CSMD1: variants seen among roughly 807,000 people sequenced by gnomAD.
CSMD1 encodes the protein CUB and sushi domain-containing protein 1.
A neutral mutation model predicts 417.5 loss-of-function variants in CSMD1; 213 were observed. The observed-to-expected ratio is 0.51, with a 90% CI of 0.46 to 0.57. CSMD1 has a LOEUF of 0.57. CSMD1 is among the 20% of genes least tolerant of loss of function. CSMD1 has a pLI of 0.00. For synonymous variants in CSMD1, 2,862 were observed against 1,736.8 expected, an observed-to-expected ratio of 1.65 and a Z score of -16.11; for missense variants, 6,923 against 4,529.7, an observed-to-expected ratio of 1.53 and a Z score of -15.17.
At chr8:3,287,300 C>T (rs551344102) in intron 25 of CSMD1, among the ~76,000 whole-genome samples, 1 of 151,930 alleles carries the variant, frequency 6.6e-6, no homozygotes, top group East Asian at 1.9e-4. Flanking sequence ...TTTTTGGTTC[C>T]ATATGAACTT....
intron 3 of CSMD1, among the ~76,000 whole-genome samples, chr8:4,296,652 G>C (rs1396256258): frequency 1.4e-5 from 2 of 147,624 alleles, no homozygotes; most frequent in Admixed American, 6.8e-5. Flanking sequence ...TAACTCGTAT[G>C]TGGAGGTCCC....
Position 3,138,996 on chromosome 8 carries a change from C to T in CSMD1, c.6241+3469G>A, listed in dbSNP as rs150683052. On this transcript the variant is annotated intron_variant, in intron 41 of 69. Coordinates refer to ENST00000635120, the MANE Select transcript of CSMD1 (RefSeq NM_033225.6). ...TAGGAGAAAGGTCTGAGAGCAGTTACGGCTACTGGTGGTGACACAGGGAGG... is the reference window on the plus strand; with the variant it reads ...TAGGAGAAAGGTCTGAGAGCAGTTATGGCTACTGGTGGTGACACAGGGAGG... 4.3e-4 allele frequency among the ~76,000 whole-genome samples: 65 copies of T among 152,294 alleles called. No individual in the cohort carries two copies. The East Asian group carries it at 0.011, about 27-fold the overall frequency.
chr8:4,046,879 G>C (rs377169288), intron 3 of CSMD1, among the ~76,000 whole-genome samples: 28 of 152,250 alleles, frequency 1.8e-4, no homozygotes, highest in African/African-American at 6.7e-4. Flanking sequence ...CACAGAGAAT[G>C]TGACAATGAG....
chr8:3,423,533 T>G (rs1041364495), intron 12 of CSMD1, among the ~76,000 whole-genome samples: 1 of 152,188 alleles, frequency 6.6e-6, no homozygotes, highest in Non-Finnish European at 1.5e-5. Context: ...TGCTCAATGG[T>G]CCTCCACTGT....
Position 3,591,117 on chromosome 8 carries a change from G to C in CSMD1, c.1098-4857C>G, listed in dbSNP as rs529687204. On this transcript the variant is annotated intron_variant, in intron 8 of 69. Coordinates refer to ENST00000635120, the MANE Select transcript of CSMD1 (RefSeq NM_033225.6). The stretch of plus-strand genomic sequence containing the variant: ...CGTTGCACAACTGAGACAATTGTTA[G>C]TAGTTAGTAACTGTAAGAAATACTG... Among the ~76,000 whole-genome samples the C allele has an allele frequency of 6.6e-5, 10 of 152,250 alleles. No individual in the cohort carries two copies. In the South Asian group the frequency reaches 2.1e-3, roughly 32 times the overall value.
At chr8:4,236,268 G>A (rs1802054469) in intron 3 of CSMD1, among the ~76,000 whole-genome samples, 1 of 151,874 alleles carries the variant, frequency 6.6e-6, no homozygotes, top group Non-Finnish European at 1.5e-5. Flanking sequence ...ATTTGTAATT[G>A]GCACACTGAT....
Position 3,070,462 on chromosome 8 carries a change from T to C in CSMD1, c.7474+16635A>G, listed in dbSNP as rs139719677. Among the ~76,000 whole-genome samples the C allele has an allele frequency of 7.3e-3, 1,117 of 152,322 alleles. 15 individuals are homozygous for C. The highest frequency in any genetic ancestry group is 0.025 in the African/African-American group (1,046 of 41,544). On this transcript the variant is annotated intron_variant, in intron 49 of 69. Coordinates refer to ENST00000635120, the MANE Select transcript of CSMD1 (RefSeq NM_033225.6). ...AAGCAGCCAGGCCACATCTTGAATG[T>C]TTTGCTGCTTTGAAATTTCTTTAAC...
chr8:3,844,373 A>T (rs575409209), intron 5 of CSMD1, among the ~76,000 whole-genome samples: 1 of 152,302 alleles, frequency 6.6e-6, no homozygotes, highest in East Asian at 1.9e-4. Context: ...TCTGGTAGAC[A>T]CACATACACC....
intron 23 of CSMD1, among the ~76,000 whole-genome samples, chr8:3,342,040 T>C (rs1807690899): frequency 1.3e-5 from 2 of 152,202 alleles, no homozygotes; most frequent in Admixed American, 1.3e-4. Flanking sequence ...ATTTTATAAT[T>C]ATAGGTTGAT....
intron 2 of CSMD1, among the ~76,000 whole-genome samples, chr8:4,552,607 G>A (rs1402131767): frequency 1.3e-5 from 2 of 151,966 alleles, no homozygotes; most frequent in African/African-American, 4.8e-5. Flanking sequence ...TGGAATCACA[G>A]TGAGTTTCAA....
At chr8:4,772,030 C>T (rs1012610469) in intron 1 of CSMD1, among the ~76,000 whole-genome samples, 2 of 152,144 alleles carry the variant, frequency 1.3e-5, no homozygotes, top group Non-Finnish European at 2.9e-5. Flanking sequence ...GTTAAAAGTC[C>T]CACGTCGGTC....
chr8:4,027,561 A>G (rs997921019), intron 4 of CSMD1, among the ~76,000 whole-genome samples: 3 of 152,136 alleles, frequency 2.0e-5, no homozygotes, highest in Non-Finnish European at 4.4e-5. Flanking sequence ...CGTGCCTTCC[A>G]TCATAACTGC....
intron 7 of CSMD1, among the ~76,000 whole-genome samples, chr8:3,675,216 G>T (rs190513649): frequency 2.6e-5 from 4 of 152,202 alleles, no homozygotes; most frequent in African/African-American, 9.6e-5. Flanking sequence ...GACCACACCT[G>T]TTCTCCTTGC....
intron 27 of CSMD1, among the ~76,000 whole-genome samples, chr8:3,229,810 A>C (rs1242817393): frequency 1.3e-5 from 2 of 152,230 alleles, no homozygotes; most frequent in Non-Finnish European, 2.9e-5. Context: ...GGTAGGAAAT[A>C]TACGGTAAAT....
chr8:4,860,484 C>T (rs534156719), intron 1 of CSMD1, among the ~76,000 whole-genome samples: 14 of 152,096 alleles, frequency 9.2e-5, no homozygotes, highest in Admixed American at 1.3e-4. Context: ...TTGCTGGCTC[C>T]CTCATCATCT....
At chr8:4,975,905 A>G (rs4875425) in intron 1 of CSMD1, among the ~76,000 whole-genome samples, 65,167 of 152,090 alleles carry the variant, frequency 0.43, 14,677 homozygotes, top group Middle Eastern at 0.56. Context: ...AGTATTTCCT[A>G]TGTTGCTCAC....
intron 3 of CSMD1, among the ~76,000 whole-genome samples, chr8:4,341,112 A>G (rs920742757): frequency 6.6e-6 from 1 of 152,120 alleles, no homozygotes; most frequent in African/African-American, 2.4e-5. Context: ...CTCATTTCCA[A>G]TACATCGTTG....
chr8:3,725,883 C>A (rs1024661835), intron 6 of CSMD1, among the ~76,000 whole-genome samples: 1 of 152,290 alleles, frequency 6.6e-6, no homozygotes, highest in East Asian at 1.9e-4. Flanking sequence ...ATTAAACATG[C>A]CCTTGAAAAG....
chr8:4,009,863 G>C (rs2740956), intron 4 of CSMD1, among the ~76,000 whole-genome samples: 56,223 of 151,724 alleles, frequency 0.37, 10,491 homozygotes, highest in East Asian at 0.43. Context: ...GCCATTAAGA[G>C]GGTACTCTCG....
Sources: allele counts gnomAD v4.1 joint callset (sites outside exome capture counted in the v4.1 genomes callset), GRCh38; gene constraint gnomAD v4.1.1; transcripts MANE v1.5; gene names NCBI Gene and HGNC (gene_info 2026-07-23, HGNC 2026-07-21).